CALD1: variants seen among roughly 807,000 people sequenced by gnomAD.
CALD1 encodes caldesmon.
A neutral mutation model predicts 99.9 loss-of-function variants in CALD1; 33 were observed. The ratio of observed to expected loss-of-function variants is 0.33; its 90% CI spans 0.25 to 0.44. The LOEUF (loss-of-function observed/expected upper bound fraction) is 0.44, where lower values mean the gene tolerates loss of function less well. Ranked by LOEUF, CALD1 falls within the 20% of genes least tolerant of loss-of-function variation. The pLI, the probability that CALD1 is intolerant of heterozygous loss-of-function variation, is 1.00. For missense variants in CALD1, 861 were observed against 962.1 expected (o/e 0.89, Z 1.39); for synonymous variants, 310 against 325.0 (o/e 0.95, Z 0.50).
intron 2 of CALD1, among the ~76,000 whole-genome samples, chr7:134,855,190 C>T (rs73151921): frequency 0.11 from 16,412 of 152,200 alleles, 959 homozygotes; most frequent in East Asian, 0.17. Flanking sequence ...ATGCACAGTG[C>T]AAGGATCTAG....
intron 1 of CALD1, among the ~76,000 whole-genome samples, chr7:134,796,208 T>C (rs1797737961): frequency 6.6e-6 from 1 of 152,246 alleles, no homozygotes; most frequent in Admixed American, 6.5e-5. Flanking sequence ...TCCTGCCTCA[T>C]GTCCACAGCT....
chr7:134,821,767 G>C (rs112747161), intron 1 of CALD1, among the ~76,000 whole-genome samples: 13 of 152,044 alleles, frequency 8.6e-5, no homozygotes, highest in African/African-American at 2.4e-4. Context: ...ATTTTTAGTA[G>C]AGATGGGGTT....
chr7:134,753,752 T>C (rs1796704930), intron 1 of CALD1, among the ~76,000 whole-genome samples: 1 of 152,236 alleles, frequency 6.6e-6, no homozygotes, highest in South Asian at 2.1e-4. Context: ...TCCTGCCTTG[T>C]AGTGCTGGTC....
In CALD1 at chr7:134,867,733, C is replaced by A; in HGVS notation, c.-1C>A. 1 of 1,600,680 alleles carries A rather than the reference C, an allele frequency of 6.2e-7. No homozygotes were observed. Among genetic ancestry groups the A allele is most frequent in the South Asian group, 1.1e-5 (1 of 89,934 alleles). ...GGTCTCCCTGAACCTGAAATCACAC[C>A]ATGGATGATTTTGAGCGTCGCAGAG... On this transcript the variant is annotated 5_prime_UTR_variant, in exon 3 of 15. Transcript: ENST00000361675.
At chr7:134,831,112 T>C (rs1385275368) in intron 1 of CALD1, among the ~76,000 whole-genome samples, 1 of 152,208 alleles carries the variant, frequency 6.6e-6, no homozygotes, top group Non-Finnish European at 1.5e-5. Flanking sequence ...TGATTACATA[T>C]AACTGTAAAG....
At chr7:134,926,918 TAA>T (rs1805067075) in intron 3 of CALD1, among the ~76,000 whole-genome samples, 2 of 152,342 alleles carry the variant, frequency 1.3e-5, no homozygotes, top group South Asian at 4.1e-4. Flanking sequence ...GATTTCATGT[TAA>T]GTGTTCTTAC....
At chr7:134,867,826 T>C (rs1450119060) in intron 3 of CALD1, 22 bp downstream of exon 3, 5 of 1,495,536 alleles carry the variant, frequency 3.3e-6, no homozygotes, top group South Asian at 1.2e-5. Flanking sequence ...GGGTGAAAAA[T>C]ACTTGTATTC....
intron 1 of CALD1, among the ~76,000 whole-genome samples, chr7:134,810,178 A>C (rs1221080743): frequency 6.6e-6 from 1 of 152,218 alleles, no homozygotes; most frequent in African/African-American, 2.4e-5. Flanking sequence ...ACTGCTGCCT[A>C]ATCAACCCAA....
At chr7:134,777,631 G>A (rs1562994083), upstream of CALD1, among the ~76,000 whole-genome samples, 1 of 152,160 alleles carries the variant, frequency 6.6e-6, no homozygotes, top group Non-Finnish European at 1.5e-5. Context: ...GATATAAGCA[G>A]CAGCGGTAAT....
the CALD1 span, among the ~76,000 whole-genome samples, chr7:134,731,549 T>A: frequency 6.6e-6 from 1 of 152,208 alleles, no homozygotes; most frequent in African/African-American, 2.4e-5. Flanking sequence ...TGATTGACCC[T>A]GTTGCTCCAC....
intron 2 of CALD1, among the ~76,000 whole-genome samples, chr7:134,860,417 G>C (rs1800513695): frequency 6.6e-6 from 1 of 152,116 alleles, no homozygotes; most frequent in Non-Finnish European, 1.5e-5. Context: ...TGCAAATGTG[G>C]GTTTATATAA....
the CALD1 span, among the ~76,000 whole-genome samples, chr7:134,734,641 C>G: frequency 2.0e-5 from 3 of 152,110 alleles, no homozygotes; most frequent in African/African-American, 7.2e-5. Flanking sequence ...GTTTCCCGAG[C>G]TGTTCTTGTG....
the CALD1 span, among the ~76,000 whole-genome samples, chr7:134,714,067 C>G: frequency 6.6e-6 from 1 of 152,116 alleles, no homozygotes; most frequent in Non-Finnish European, 1.5e-5. Context: ...CCTCCCACCT[C>G]TGTCTCTTCC....
chr7:134,794,529 C>T lies in CALD1; in HGVS notation c.-130+14780C>T, dbSNP rs1027927500. On this transcript the variant is annotated intron_variant, in intron 1 of 14. Coordinates refer to ENST00000361675, the MANE Select transcript of CALD1 (RefSeq NM_033138.4). Reference sequence around the variant, plus strand: ...TGAAACAGAGTCTCACTCTGTCGCCCGGGCTGGAGTGCAGTGGAGCAATCT... The same window carrying T: ...TGAAACAGAGTCTCACTCTGTCGCCTGGGCTGGAGTGCAGTGGAGCAATCT... 3.9e-5 allele frequency among the ~76,000 whole-genome samples: 6 copies of T among 152,268 alleles called. No individual in the cohort carries two copies. In the South Asian group the frequency reaches 6.2e-4, roughly 16 times the overall value.
intron 13 of CALD1, chr7:134,961,887 A>G (rs1018918996): frequency 3.3e-5 from 5 of 152,128 alleles, no homozygotes; most frequent in African/African-American, 1.2e-4. Context: ...TTCAAAAACA[A>G]AATAATCACT....
intron 9 of CALD1, among the ~76,000 whole-genome samples, chr7:134,956,600 G>A (rs974192142): frequency 2.0e-5 from 3 of 152,166 alleles, no homozygotes; most frequent in Non-Finnish European, 4.4e-5. Flanking sequence ...AGACTTCCCA[G>A]TCTCCGGAAC....
chr7:134,944,966 G>C (rs531025404), intron 7 of CALD1, among the ~76,000 whole-genome samples: 1 of 152,268 alleles, frequency 6.6e-6, no homozygotes, highest in East Asian at 1.9e-4. Flanking sequence ...GTATCATACA[G>C]TAAATTTATT....
At chr7:134,901,088 T>C (rs1206074718) in intron 3 of CALD1, among the ~76,000 whole-genome samples, 1 of 152,080 alleles carries the variant, frequency 6.6e-6, no homozygotes, top group Non-Finnish European at 1.5e-5. Flanking sequence ...ATTTTTGTTT[T>C]GGCAAAATAT....
At chr7:134,731,307 C>T in the CALD1 span, among the ~76,000 whole-genome samples, 12 of 152,182 alleles carry the variant, frequency 7.9e-5, no homozygotes, top group African/African-American at 2.9e-4. Context: ...CATTTTGTCT[C>T]TCTCCCTAAA....
Sources: gnomAD v4.1 joint callset for allele counts (sites outside exome capture counted in the v4.1 genomes callset) on GRCh38, gnomAD v4.1.1 for gene constraint, MANE v1.5 for transcripts, NCBI Gene and HGNC (gene_info 2026-07-23, HGNC 2026-07-21) for gene names.